Variants in NRP1 observed in about 807,000 individuals in gnomAD.
NRP1 encodes neuropilin-1.
A neutral mutation model predicts 106.7 loss-of-function variants in NRP1; 35 were observed. That is an observed-to-expected ratio of 0.33 (90% confidence interval 0.25 to 0.43). NRP1 has a LOEUF of 0.43. Ranked by LOEUF, NRP1 falls within the 20% of genes least tolerant of loss-of-function variation. The pLI, the probability that NRP1 is intolerant of heterozygous loss-of-function variation, is 1.00. For synonymous variants in NRP1, 437 were observed against 417.9 expected, an observed-to-expected ratio of 1.05 and a Z score of -0.56; for missense variants, 1,024 against 1,170.4, an observed-to-expected ratio of 0.87 and a Z score of 1.83.
intron 13 of NRP1, among the ~76,000 whole-genome samples, chr10:33,190,341 ATGCCATTTATATGTACAG>A (rs1293186905): frequency 1.3e-5 from 2 of 152,198 alleles, no homozygotes; most frequent in Non-Finnish European, 2.9e-5. Context: ...AGTTAATTTG[ATGCCATTTATATGTACAG>A]TGCCATTTAC....
chr10:33,308,764 C>G (rs958646512), intron 2 of NRP1, among the ~76,000 whole-genome samples: 1 of 152,120 alleles, frequency 6.6e-6, no homozygotes, highest in African/African-American at 2.4e-5. Context: ...GCTGGGATTA[C>G]AGGTGTGAGC....
chr10:33,247,275 A>G (rs1841493773), intron 6 of NRP1, among the ~76,000 whole-genome samples: 1 of 152,082 alleles, frequency 6.6e-6, no homozygotes, highest in South Asian at 2.1e-4. Flanking sequence ...AATATTTCCA[A>G]GGGCTCATAA....
At chr10:33,180,828 G>T (rs1028174775) in intron 16 of NRP1, among the ~76,000 whole-genome samples, 1 of 152,172 alleles carries the variant, frequency 6.6e-6, no homozygotes, top group Non-Finnish European at 1.5e-5. Context: ...CCAGGATCTG[G>T]CATGGTTTAT....
chr10:33,191,213 C>G (rs12572518), intron 13 of NRP1, among the ~76,000 whole-genome samples: 24,683 of 152,016 alleles, frequency 0.16, 2,320 homozygotes, highest in East Asian at 0.5. Flanking sequence ...AGGTGGGTAG[C>G]AGGAAGGGGG....
chr10:33,252,867 T>C (rs992805198), intron 6 of NRP1, among the ~76,000 whole-genome samples: 4 of 152,262 alleles, frequency 2.6e-5, no homozygotes, highest in African/African-American at 9.6e-5. Context: ...TCTCCTGTAA[T>C]AGGCCATTTC....
chr10:33,197,621 T>C, intron 12 of NRP1, 29 bp downstream of exon 12: 1 of 1,573,140 alleles, frequency 6.4e-7, no homozygotes, highest in Non-Finnish European at 8.7e-7. Context: ...GTACATGGAA[T>C]CTGTCACATT....
intron 11 of NRP1, 94 bp downstream of exon 11, chr10:33,202,797 T>C (rs2132704905): frequency 1.9e-6 from 3 of 1,609,692 alleles, no homozygotes; most frequent in African/African-American, 1.3e-5. Context: ...CTCTCTGCCA[T>C]GCGGAGTTAC....
chr10:33,269,491 T>C (rs764188844), intron 3 of NRP1, among the ~76,000 whole-genome samples: 9 of 152,172 alleles, frequency 5.9e-5, no homozygotes, highest in Non-Finnish European at 1.0e-4. Flanking sequence ...GAAATCAGAC[T>C]TCAAGGATAG....
chr10:33,229,332 G>T (rs774681498), intron 6 of NRP1, among the ~76,000 whole-genome samples: 2 of 152,182 alleles, frequency 1.3e-5, no homozygotes, highest in African/African-American at 2.4e-5. Flanking sequence ...TCTAAAAATG[G>T]TTGCTCTGAA....
intron 6 of NRP1, among the ~76,000 whole-genome samples, chr10:33,242,171 G>C (rs995190165): frequency 1.3e-5 from 2 of 152,170 alleles, no homozygotes; most frequent in Admixed American, 1.3e-4. Flanking sequence ...GGGCTGTCCA[G>C]ATGAAGGTCA....
intron 11 of NRP1, among the ~76,000 whole-genome samples, chr10:33,199,804 A>G (rs965661867): frequency 3.9e-5 from 6 of 152,190 alleles, no homozygotes; most frequent in African/African-American, 9.6e-5. Flanking sequence ...GCACTTCCCA[A>G]TAATATCATT....
intron 2 of NRP1, among the ~76,000 whole-genome samples, chr10:33,312,652 T>C (rs1846689507): frequency 1.3e-5 from 2 of 152,200 alleles, no homozygotes; most frequent in African/African-American, 2.4e-5. Flanking sequence ...TTTCAGAAAA[T>C]TATTTTTACA....
intron 6 of NRP1, among the ~76,000 whole-genome samples, chr10:33,241,661 G>T (rs1841031866): frequency 6.6e-6 from 1 of 151,918 alleles, no homozygotes; most frequent in African/African-American, 2.4e-5. Flanking sequence ...GGTGGTGGTG[G>T]TGTGTGTGGG....
chr10:33,230,048 C>T (rs916019261), intron 6 of NRP1, among the ~76,000 whole-genome samples: 12 of 151,950 alleles, frequency 7.9e-5, no homozygotes, highest in African/African-American at 2.4e-4. Context: ...CAACTAAAAC[C>T]GGATAGTACC....
Position 33,330,794 on chromosome 10 carries a change from G to A in NRP1, c.162C>T (p.Cys54=), listed in dbSNP as rs746654180. 8 of 1,613,532 alleles carry A rather than the reference G, an allele frequency of 5.0e-6. No individual in the cohort carries two copies. The highest frequency in any genetic ancestry group is 2.7e-5 in the African/African-American group (2 of 74,882). The change falls in exon 2 of 17, where the codon TGC becomes TGT. Residue 54 remains cysteine (C), a synonymous_variant. Transcript: ENST00000374867. ...YPHSYHPSEK[C]EWLIQAPDPY... The stretch of plus-strand genomic sequence containing the variant: ...GGTCCGGAGCCTGAATCAGCCATTC[G>A]CATTTTTCACTTGGGTGATAAGAAT...
chr10:33,229,358 T>G lies in NRP1; in HGVS notation c.982-3069A>C, dbSNP rs914774637. 2.4e-4 allele frequency among the ~76,000 whole-genome samples: 37 copies of G among 152,190 alleles called. 1 individual carries two copies. Among genetic ancestry groups the G allele is most frequent in the Non-Finnish European group, 1.2e-4 (8 of 68,042 alleles). On this transcript the variant is annotated intron_variant, in intron 6 of 16. Coordinates refer to ENST00000374867, the MANE Select transcript of NRP1 (RefSeq NM_003873.7). ...TTGCTCTGAACAATGTTAACTGTTTTCAAATGCTCGCAGATCACTTAGTGC... is the reference window on the plus strand; with the variant it reads ...TTGCTCTGAACAATGTTAACTGTTTGCAAATGCTCGCAGATCACTTAGTGC...
intron 2 of NRP1, among the ~76,000 whole-genome samples, chr10:33,280,907 G>A (rs1416418254): frequency 6.6e-6 from 1 of 151,652 alleles, no homozygotes; most frequent in African/African-American, 2.4e-5. Flanking sequence ...ACTTGAACCT[G>A]GGAGGTTGAA....
At position 33,332,878 on chromosome 10, in the gene NRP1, A is replaced by AGTGTGTGTGTGTGT. The variant is rs34920873; in HGVS notation, c.73+1418_73+1431dup. Among the ~76,000 whole-genome samples, 515 of 150,034 alleles carry AGTGTGTGTGTGTGT rather than the reference A, an allele frequency of 3.4e-3. 4 individuals carry two copies. Among genetic ancestry groups the AGTGTGTGTGTGTGT allele is most frequent in the African/African-American group, 0.011 (434 of 41,020 alleles). On this transcript the variant is annotated intron_variant, in intron 1 of 16. Transcript: ENST00000374867. Reference sequence around the variant, plus strand: ...CAGATTTCTGCTAAGAAAACTAAGAAGTGTGTGTGTGTGTGTGTGTACTGC... The same window carrying AGTGTGTGTGTGTGT: ...CAGATTTCTGCTAAGAAAACTAAGAAGTGTGTGTGTGTGTGTGTGTGTGTGTGTGTGTGTACTGC...
chr10:33,290,778 T>C (rs2132626128), intron 2 of NRP1, among the ~76,000 whole-genome samples: 1 of 152,300 alleles, frequency 6.6e-6, no homozygotes. Flanking sequence ...GGAAATGCTA[T>C]TGAAGCAAAC....
Sources: gnomAD v4.1 joint callset for allele counts (sites outside exome capture counted in the v4.1 genomes callset) on GRCh38, gnomAD v4.1.1 for gene constraint, MANE v1.5 for transcripts, NCBI Gene and HGNC (gene_info 2026-07-23, HGNC 2026-07-21) for gene names.